TASP1: variants seen among roughly 807,000 people sequenced by gnomAD.
The protein encoded by TASP1 is threonine aspartase 1.
Under a neutral mutation model 56.6 loss-of-function variants are expected in TASP1, and 16 were observed. The ratio of observed to expected loss-of-function variants is 0.28; its 90% CI spans 0.19 to 0.43. TASP1 has a LOEUF of 0.43. Ranked by LOEUF, TASP1 falls within the 20% of genes least tolerant of loss-of-function variation. The pLI is 1.00. For synonymous variants in TASP1, 179 were observed against 184.2 expected (o/e 0.97, Z 0.23); for missense variants, 393 against 511.6 (o/e 0.77, Z 2.24).
chr20:13,596,687 C>A (rs777322514), intron 4 of TASP1, among the ~76,000 whole-genome samples: 3 of 152,056 alleles, frequency 2.0e-5, no homozygotes, highest in Non-Finnish European at 4.4e-5. Flanking sequence ...AAGTTTAGAG[C>A]AGAACTGAAG....
At chr20:13,202,425 C>A in the TASP1 span, among the ~76,000 whole-genome samples, 1 of 152,090 alleles carries the variant, frequency 6.6e-6, no homozygotes, top group Non-Finnish European at 1.5e-5. Flanking sequence ...TTTAATTGTA[C>A]ATTTATGTAA....
intron 12 of TASP1, among the ~76,000 whole-genome samples, chr20:13,434,233 T>G (rs1471172749): frequency 6.6e-6 from 1 of 152,166 alleles, no homozygotes; most frequent in Non-Finnish European, 1.5e-5. Context: ...TTGTAGACTT[T>G]TCTAAATGTA....
chr20:13,482,264 A>G (rs1412869404), intron 11 of TASP1, among the ~76,000 whole-genome samples: 1 of 152,130 alleles, frequency 6.6e-6, no homozygotes, highest in Non-Finnish European at 1.5e-5. Flanking sequence ...ATTCTGTTCC[A>G]TTGGTCTATG....
the TASP1 span, among the ~76,000 whole-genome samples, chr20:13,378,473 T>C: frequency 6.6e-6 from 1 of 152,362 alleles, no homozygotes; most frequent in South Asian, 2.1e-4. Flanking sequence ...TTGCATTTGC[T>C]GAGGAGTGTT....
the TASP1 span, among the ~76,000 whole-genome samples, chr20:13,318,519 C>CA: frequency 1.3e-5 from 2 of 152,088 alleles, no homozygotes; most frequent in African/African-American, 2.4e-5. Context: ...CACACAAAAA[C>CA]AAAAAAACCT....
chr20:13,161,713 C>T, the TASP1 span, among the ~76,000 whole-genome samples: 1 of 152,154 alleles, frequency 6.6e-6, no homozygotes, highest in Admixed American at 6.5e-5. Context: ...TTAGTAGGAA[C>T]TTGATGTTCC....
chr20:13,561,162 T>C (rs779131284), intron 7 of TASP1, among the ~76,000 whole-genome samples: 5 of 152,024 alleles, frequency 3.3e-5, no homozygotes, highest in African/African-American at 1.2e-4. Flanking sequence ...AAACAAAAAC[T>C]GAGATAGTTC....
intron 6 of TASP1, among the ~76,000 whole-genome samples, chr20:13,576,346 A>AAAGAAAGG (rs1555793530): frequency 3.2e-5 from 2 of 63,324 alleles, no homozygotes; most frequent in East Asian, 8.1e-4. Flanking sequence ...AGAAAGGAAG[A>AAAGAAAGG]AAGAAAGAAA....
At chr20:13,455,583 T>C (rs1171595980) in intron 11 of TASP1, among the ~76,000 whole-genome samples, 2 of 152,088 alleles carry the variant, frequency 1.3e-5, no homozygotes, top group Admixed American at 6.6e-5. Context: ...ATGCCCCAAA[T>C]AAATCAGCAG....
rs77198207 is a variant in TASP1, at chr20:13,628,841, G to A, written c.145+1093C>T. The stretch of plus-strand genomic sequence containing the variant: ...AACCTGGGCAGAGCAGCACTGTTCT[G>A]CAACCCAAGACCTTTTAAAGATGGG... On this transcript the variant is annotated intron_variant, in intron 2 of 13. Transcript: ENST00000337743. 7.4e-3 allele frequency among the ~76,000 whole-genome samples: 1,124 copies of A among 152,304 alleles called. 16 individuals carry two copies. Among genetic ancestry groups the A allele is most frequent in the African/African-American group, 0.026 (1,067 of 41,566 alleles).
At chr20:13,512,675 C>G (rs2044380212) in intron 10 of TASP1, among the ~76,000 whole-genome samples, 1 of 152,096 alleles carries the variant, frequency 6.6e-6, no homozygotes, top group Non-Finnish European at 1.5e-5. Context: ...AAGTCTTTGC[C>G]CATGCCTATG....
At chr20:13,612,934 C>A (rs1265219046) in intron 4 of TASP1, among the ~76,000 whole-genome samples, 1 of 152,112 alleles carries the variant, frequency 6.6e-6, no homozygotes, top group African/African-American at 2.4e-5. Flanking sequence ...CGCCCATTCA[C>A]CATTTCTCTG....
chr20:13,421,048 C>T (rs1334104827), intron 12 of TASP1, among the ~76,000 whole-genome samples: 1 of 150,404 alleles, frequency 6.6e-6, no homozygotes, highest in African/African-American at 2.4e-5. Flanking sequence ...CCAGAGACCA[C>T]AAAAGATGGC....
chr20:13,628,078 T>C (rs2048960399), intron 2 of TASP1, among the ~76,000 whole-genome samples: 1 of 152,242 alleles, frequency 6.6e-6, no homozygotes, highest in Non-Finnish European at 1.5e-5. Context: ...ACCCCATTTG[T>C]TTGGAGTCAG....
chr20:13,256,848 C>T, the TASP1 span, among the ~76,000 whole-genome samples: 15 of 152,134 alleles, frequency 9.9e-5, no homozygotes, highest in East Asian at 1.9e-4. Flanking sequence ...GAAAGCCAAT[C>T]GGTAGAAGTG....
At chr20:13,264,098 C>T in the TASP1 span, among the ~76,000 whole-genome samples, 12 of 152,134 alleles carry the variant, frequency 7.9e-5, no homozygotes, top group Admixed American at 2.6e-4. Flanking sequence ...TTATCATCAA[C>T]TAGTACTTAT....
At chr20:13,339,071 A>G in the TASP1 span, among the ~76,000 whole-genome samples, 1 of 152,212 alleles carries the variant, frequency 6.6e-6, no homozygotes, top group South Asian at 2.1e-4. Flanking sequence ...TCAGGTATTA[A>G]AGGGATTGAT....
At chr20:13,601,868 C>CTTT (rs61111564) in intron 4 of TASP1, among the ~76,000 whole-genome samples, 1 of 53,556 alleles carries the variant, frequency 1.9e-5, no homozygotes, top group Non-Finnish European at 3.1e-5. Flanking sequence ...TAACCCCATT[C>CTTT]TTTTTTTTTT....
chr20:13,127,627 C>A, the TASP1 span, among the ~76,000 whole-genome samples: 1 of 152,156 alleles, frequency 6.6e-6, no homozygotes, highest in Non-Finnish European at 1.5e-5. Context: ...CAGATAAGAA[C>A]AAGGCTGATC....
Sources: allele counts gnomAD v4.1 joint callset (sites outside exome capture counted in the v4.1 genomes callset), GRCh38; gene constraint gnomAD v4.1.1; transcripts MANE v1.5; gene names NCBI Gene and HGNC (gene_info 2026-07-23, HGNC 2026-07-21).